COG6: variants seen among roughly 807,000 people sequenced by gnomAD.
COG6 encodes the protein component of oligomeric golgi complex 6.
A neutral mutation model predicts 88.8 loss-of-function variants in COG6; 74 were observed. That is an observed-to-expected ratio of 0.83 (90% confidence interval 0.69 to 1.01). COG6 has a LOEUF of 1.01. Among genes scored for constraint, COG6 ranks in the 50% least tolerant of loss-of-function variants. COG6 has a pLI of 0.00. For missense variants in COG6, 800 were observed against 797.9 expected (o/e 1.00, Z -0.03); for synonymous variants, 286 against 278.7 (o/e 1.03, Z -0.26).
intron 8 of COG6, among the ~76,000 whole-genome samples, chr13:39,682,780 G>C (rs952251854): frequency 6.6e-6 from 1 of 151,596 alleles, no homozygotes; most frequent in Non-Finnish European, 1.5e-5. Context: ...AATGCATTTT[G>C]TATTTGTTGA....
intron 4 of COG6, among the ~76,000 whole-genome samples, chr13:39,673,915 A>C (rs1219625467): frequency 6.6e-6 from 1 of 151,962 alleles, no homozygotes; most frequent in African/African-American, 2.4e-5. Flanking sequence ...ATAATGCCTA[A>C]ATTTTTCTCA....
chr13:39,716,390 AGT>A (rs1199583375), intron 13 of COG6, among the ~76,000 whole-genome samples: 1 of 152,046 alleles, frequency 6.6e-6, no homozygotes, highest in African/African-American at 2.4e-5. Context: ...TTGTCTTAAA[AGT>A]GTGTCTCTTG....
intron 4 of COG6, among the ~76,000 whole-genome samples, chr13:39,668,954 G>A (rs145653482): frequency 2.1e-4 from 32 of 152,202 alleles, no homozygotes; most frequent in African/African-American, 5.8e-4. Context: ...AGTTTTACTC[G>A]TTGGTGTATT....
At chr13:39,717,349 G>T (rs1878580640) in intron 13 of COG6, among the ~76,000 whole-genome samples, 1 of 151,830 alleles carries the variant, frequency 6.6e-6, no homozygotes, top group Non-Finnish European at 1.5e-5. Context: ...GTTGATTAAT[G>T]TTTTTTAAAG....
intron 18 of COG6, among the ~76,000 whole-genome samples, chr13:39,745,298 A>G (rs1167731744): frequency 2.0e-5 from 3 of 152,232 alleles, no homozygotes; most frequent in Non-Finnish European, 4.4e-5. Context: ...ATCAGAGTGA[A>G]CAGGCAACCT....
intron 13 of COG6, among the ~76,000 whole-genome samples, chr13:39,703,823 C>T (rs1025722159): frequency 6.6e-6 from 1 of 151,992 alleles, no homozygotes; most frequent in African/African-American, 2.4e-5. Context: ...AGCCTTGAAG[C>T]TCAAGCCATC....
rs138359979 is a variant in COG6, at chr13:39,759,718, A to G, written c.1827-28617A>G. 3.9e-3 allele frequency among the ~76,000 whole-genome samples: 591 copies of G among 152,316 alleles called. 4 individuals are homozygous for G. The highest frequency in any genetic ancestry group is 0.013 in the African/African-American group (553 of 41,572). ...AAACTAGCTGAGAAATGAATGTAAT[A>G]GTAATAATTAGATTAATAACAGCAT... is the stretch of plus-strand genomic sequence containing the variant. On this transcript the variant is annotated intron_variant, in intron 18 of 18. Transcript: ENST00000416691.
At chr13:39,764,979 C>G (rs562133451) in intron 18 of COG6, among the ~76,000 whole-genome samples, 1 of 152,088 alleles carries the variant, frequency 6.6e-6, no homozygotes, top group East Asian at 1.9e-4. Flanking sequence ...GTGGATTTTT[C>G]TGTATTTTTA....
intron 18 of COG6, among the ~76,000 whole-genome samples, chr13:39,769,836 C>T (rs373327382): frequency 6.6e-5 from 10 of 152,254 alleles, no homozygotes; most frequent in East Asian, 1.9e-4. Flanking sequence ...TCTTCCACCA[C>T]GTGGAAGGTC....
At chr13:39,740,898 G>A (rs916980601) in intron 18 of COG6, among the ~76,000 whole-genome samples, 2 of 151,878 alleles carry the variant, frequency 1.3e-5, no homozygotes, top group East Asian at 1.9e-4. Context: ...ACATTTGATT[G>A]CACTCTTAAC....
chr13:39,671,365 G>A (rs183724478), intron 4 of COG6, among the ~76,000 whole-genome samples: 39 of 150,392 alleles, frequency 2.6e-4, no homozygotes, highest in African/African-American at 8.5e-4. Flanking sequence ...TTTTTTTTGC[G>A]TAACATTTTT....
chr13:39,757,846 T>TA (rs1191970646), intron 18 of COG6, among the ~76,000 whole-genome samples: 1 of 152,190 alleles, frequency 6.6e-6, no homozygotes. Flanking sequence ...CATCCATGTA[T>TA]AAGTGGACCC....
At chr13:39,655,637 C>T, upstream of COG6, 2 of 1,447,354 alleles carry the variant, frequency 1.4e-6, no homozygotes, top group Non-Finnish European at 1.9e-6. Flanking sequence ...GATGCGCATG[C>T]GCGGCCGATT....
chr13:39,727,498 A>G lies in COG6; in HGVS notation c.1776A>G (p.Pro592=). Residue 592 remains proline, a synonymous_variant, in exon 18 of 19, where the codon CCA becomes CCG. Transcript: ENST00000455146. ...AGTTTGATCGTTATCTGTCAGCCCC[A>G]GACAACCTATTGATACCACAGCTGA... is the stretch of plus-strand genomic sequence containing the variant. ...MVQFDRYLSA[P]DNLLIPQLNF... 6.2e-7 allele frequency: 1 copy of G among 1,613,440 alleles called. No individual in the cohort carries two copies. The highest frequency in any genetic ancestry group is 1.7e-4 in the Middle Eastern group (1 of 6,052).
intron 18 of COG6, among the ~76,000 whole-genome samples, chr13:39,777,428 A>G (rs1319370294): frequency 1.3e-5 from 2 of 152,164 alleles, no homozygotes; most frequent in Admixed American, 1.3e-4. Context: ...GAGGATAGCT[A>G]CTTGGGAAAC....
Position 39,674,438 on chromosome 13 carries a change from G to A in COG6, c.429-3030G>A, listed in dbSNP as rs1875842766. Among the ~76,000 whole-genome samples the A allele has an allele frequency of 7.9e-5, 12 of 152,170 alleles. No homozygotes were observed. The South Asian group carries it at 2.5e-3, about 32-fold the overall frequency. ...GACAGAGATAAGTTTTCAAGAAAAA[G>A]AAAAGTACCACAGGATTCATAAATC... On this transcript the variant is annotated intron_variant, in intron 4 of 18. Transcript: ENST00000455146.
intron 18 of COG6, among the ~76,000 whole-genome samples, chr13:39,741,310 G>A (rs1391518759): frequency 6.6e-6 from 1 of 152,070 alleles, no homozygotes; most frequent in Non-Finnish European, 1.5e-5. Context: ...AAACTTCTCT[G>A]AGCTAAAGGA....
chr13:39,729,831 T>C (rs1441948193), intron 18 of COG6, among the ~76,000 whole-genome samples: 1 of 152,216 alleles, frequency 6.6e-6, no homozygotes, highest in Non-Finnish European at 1.5e-5. Context: ...TTCAAAATTA[T>C]ACATTCTTAG....
intron 18 of COG6, among the ~76,000 whole-genome samples, chr13:39,765,044 C>T (rs552354736): frequency 6.6e-6 from 1 of 152,158 alleles, no homozygotes; most frequent in East Asian, 1.9e-4. Flanking sequence ...TATATAAATT[C>T]TATCTATTAT....
Sources: gnomAD v4.1 joint callset for allele counts (sites outside exome capture counted in the v4.1 genomes callset) on GRCh38, gnomAD v4.1.1 for gene constraint, MANE v1.5 for transcripts, NCBI Gene and HGNC (gene_info 2026-07-23, HGNC 2026-07-21) for gene names.